MACROD2: variants seen among roughly 807,000 people sequenced by gnomAD.
The protein encoded by MACROD2 is mono-ADP ribosylhydrolase 2.
Under a neutral mutation model 70.4 loss-of-function variants are expected in MACROD2, and 36 were observed. The ratio of observed to expected loss-of-function variants is 0.51; its 90% CI spans 0.39 to 0.68. MACROD2 has a LOEUF of 0.68. Ranked by LOEUF, MACROD2 falls within the 30% of genes least tolerant of loss-of-function variation. MACROD2 has a pLI of 0.00. For missense variants in MACROD2, 496 were observed against 538.4 expected, an observed-to-expected ratio of 0.92 and a Z score of 0.78; for synonymous variants, 172 against 178.8, an observed-to-expected ratio of 0.96 and a Z score of 0.30.
intron 8 of MACROD2, among the ~76,000 whole-genome samples, chr20:15,526,479 G>C (rs1246077120): frequency 6.6e-6 from 1 of 152,176 alleles, no homozygotes; most frequent in African/African-American, 2.4e-5. Context: ...AGGTGAGAGA[G>C]TGGAAGGGAA....
chr20:15,266,966 G>A (rs2077300956), intron 6 of MACROD2, among the ~76,000 whole-genome samples: 1 of 152,220 alleles, frequency 6.6e-6, no homozygotes, highest in Non-Finnish European at 1.5e-5. Flanking sequence ...AATTGTTCTT[G>A]TGGCTTAGCA....
At chr20:14,269,804 G>GTT (rs5840604) in intron 3 of MACROD2, among the ~76,000 whole-genome samples, 38 of 148,546 alleles carry the variant, frequency 2.6e-4, no homozygotes, top group East Asian at 3.9e-4. Flanking sequence ...AAACTTGTGG[G>GTT]TTTTTTTTTT....
At chr20:14,266,393 A>G (rs1360016724) in intron 3 of MACROD2, among the ~76,000 whole-genome samples, 2 of 152,170 alleles carry the variant, frequency 1.3e-5, no homozygotes, top group African/African-American at 4.8e-5. Context: ...AGGGCAGAGG[A>G]TAAGGATATA....
chr20:15,538,968 A>G (rs6074914), intron 8 of MACROD2, among the ~76,000 whole-genome samples: 6,337 of 152,186 alleles, frequency 0.042, 185 homozygotes, highest in East Asian at 0.16. Context: ...CATACCTAAT[A>G]AATAATATGT....
intron 4 of MACROD2, among the ~76,000 whole-genome samples, chr20:14,622,535 G>T (rs1022179982): frequency 6.6e-6 from 1 of 152,142 alleles, no homozygotes; most frequent in African/African-American, 2.4e-5. Context: ...TGAGCTTATT[G>T]TACTATCATA....
At chr20:15,085,442 A>G (rs2123146863) in intron 5 of MACROD2, among the ~76,000 whole-genome samples, 2 of 152,260 alleles carry the variant, frequency 1.3e-5, no homozygotes, top group Middle Eastern at 3.4e-3. Flanking sequence ...GGACACAAGA[A>G]AATGAAGAGC....
intron 6 of MACROD2, among the ~76,000 whole-genome samples, chr20:15,345,103 AT>A (rs140399193): frequency 0.17 from 25,896 of 152,174 alleles, 2,573 homozygotes; most frequent in Non-Finnish European, 0.23. Flanking sequence ...TTATAAGAAC[AT>A]TAATTAATGA....
intron 10 of MACROD2, among the ~76,000 whole-genome samples, chr20:15,890,828 G>T (rs116354898): frequency 6.6e-6 from 1 of 152,092 alleles, no homozygotes; most frequent in African/African-American, 2.4e-5. Context: ...ATCCTGGCAC[G>T]AAGGCGACAG....
intron 3 of MACROD2, among the ~76,000 whole-genome samples, chr20:14,342,246 G>A (rs754510672): frequency 9.1e-4 from 138 of 152,296 alleles, no homozygotes; most frequent in Admixed American, 2.5e-3. Context: ...TGAGAAGGAA[G>A]GAGTGGATGC....
chr20:15,499,659 T>TA (rs765095474), intron 7 of MACROD2, 115 bp from the exon 8 acceptor site: 117 of 868,254 alleles, frequency 1.3e-4, no homozygotes, highest in Non-Finnish European at 1.9e-4. Context: ...GGCCTGTACT[T>TA]ATTGGTTGAA....
chr20:15,220,805 G>A (rs2076853846), intron 5 of MACROD2, among the ~76,000 whole-genome samples: 1 of 152,192 alleles, frequency 6.6e-6, no homozygotes, highest in Non-Finnish European at 1.5e-5. Flanking sequence ...GGAAAGTCCT[G>A]TAGTCAGAAA....
At chr20:14,103,788 A>G (rs545449397) in intron 3 of MACROD2, among the ~76,000 whole-genome samples, 101 of 152,280 alleles carry the variant, frequency 6.6e-4, no homozygotes, top group Non-Finnish European at 1.3e-3. Flanking sequence ...ATGATATTCA[A>G]TCATATACAT....
At chr20:14,939,467 G>T (rs995138038) in intron 5 of MACROD2, among the ~76,000 whole-genome samples, 1 of 151,988 alleles carries the variant, frequency 6.6e-6, no homozygotes, top group African/African-American at 2.4e-5. Context: ...TTTTGTCCCA[G>T]CATCATGCTG....
In MACROD2 at chr20:15,333,562, G is replaced by A. The variant is rs1173693290; in HGVS notation, c.541-97843G>A. ...AGGGGAAAATAGACATGTAGCCATC[G>A]AGTCTGAAGTCATCTGGGGTTTGAA... On this transcript the variant is annotated intron_variant, in intron 6 of 17. Transcript: ENST00000684519. Among the ~76,000 whole-genome samples the A allele has an allele frequency of 4.0e-5, 6 of 151,646 alleles. No individual in the cohort carries two copies. The East Asian group carries it at 7.7e-4, about 20-fold the overall frequency.
intron 3 of MACROD2, among the ~76,000 whole-genome samples, chr20:14,124,573 T>C (rs557460829): frequency 1.3e-5 from 2 of 152,258 alleles, no homozygotes; most frequent in East Asian, 3.9e-4. Context: ...TAGGGTATTA[T>C]AACCTAACCA....
rs765998003 is a variant in MACROD2 at position 14,325,601 on chromosome 20, A to G, written c.272-167878A>G. On this transcript the variant is annotated intron_variant, in intron 3 of 17. Coordinates refer to ENST00000684519, the MANE Select transcript of MACROD2 (RefSeq NM_001351661.2). The stretch of plus-strand genomic sequence containing the variant: ...GAGTCTGGAATACCACTGTCTCTGT[A>G]GCTTCGGTTACTACTGCTTTCACTG... 3.5e-5 allele frequency: 56 copies of G among 1,613,384 alleles called. 1 individual carries two copies. The South Asian group carries it at 5.5e-4, about 16-fold the overall frequency.
rs536700238 is a variant in MACROD2, at chr20:14,791,264, A to C, written c.418+106305A>C. Among the ~76,000 whole-genome samples, 82 of 152,294 alleles carry C rather than the reference A, an allele frequency of 5.4e-4. 2 individuals are homozygous for C. Among genetic ancestry groups the C allele is most frequent in the Non-Finnish European group, 4.3e-4 (29 of 68,034 alleles). The stretch of plus-strand genomic sequence containing the variant: ...GCTTAAGTTTTGAGACTCAGTATGT[A>C]CTGCAAGACTGAAGAAATGTATCAC... On this transcript the variant is annotated intron_variant, in intron 5 of 17. Coordinates refer to ENST00000684519, the MANE Select transcript of MACROD2 (RefSeq NM_001351661.2).
rs544976477 is a variant in MACROD2 at position 14,701,610 on chromosome 20, C to T, written c.418+16651C>T. On this transcript the variant is annotated intron_variant, in intron 5 of 17. Coordinates refer to ENST00000684519, the MANE Select transcript of MACROD2 (RefSeq NM_001351661.2). ...GTTAAATGAATGAATGGAAACTTTGCTGCTGCAATTCATTAGATTTTTACG... is the reference window on the plus strand; with the variant it reads ...GTTAAATGAATGAATGGAAACTTTGTTGCTGCAATTCATTAGATTTTTACG... 1.1e-4 allele frequency among the ~76,000 whole-genome samples: 16 copies of T among 152,298 alleles called. No homozygotes were observed. In the East Asian group the frequency reaches 3.1e-3, roughly 29 times the overall value.
At chr20:15,541,778 G>T (rs2047959345) in intron 8 of MACROD2, among the ~76,000 whole-genome samples, 2 of 152,154 alleles carry the variant, frequency 1.3e-5, no homozygotes, top group Non-Finnish European at 2.9e-5. Context: ...ACATCCAGTT[G>T]CTGGATGACT....
Sources: gnomAD v4.1 joint callset for allele counts (sites outside exome capture counted in the v4.1 genomes callset) on GRCh38, gnomAD v4.1.1 for gene constraint, MANE v1.5 for transcripts, NCBI Gene and HGNC (gene_info 2026-07-23, HGNC 2026-07-21) for gene names.